Variants in PLS1 observed in about 807,000 individuals in gnomAD.
PLS1 encodes the protein plastin-1.
A neutral mutation model predicts 73.7 loss-of-function variants in PLS1; 32 were observed. The ratio of observed to expected loss-of-function variants is 0.43; its 90% CI spans 0.33 to 0.58. The LOEUF (loss-of-function observed/expected upper bound fraction) is 0.58. Among genes scored for constraint, PLS1 ranks in the 20% least tolerant of loss-of-function variants. The probability of loss-of-function intolerance (pLI) is 0.04; values close to 1 mark genes in which losing one functional copy is unlikely to be tolerated. For missense variants in PLS1, 633 were observed against 740.5 expected, an observed-to-expected ratio of 0.85 and a Z score of 1.68; for synonymous variants, 217 against 261.3, an observed-to-expected ratio of 0.83 and a Z score of 1.63.
intron 14 of PLS1, among the ~76,000 whole-genome samples, chr3:142,709,198 C>T (rs929264576): frequency 1.3e-5 from 2 of 152,152 alleles, no homozygotes; most frequent in Non-Finnish European, 2.9e-5. Context: ...AATGTAGATT[C>T]CCAGCCTCAT....
At chr3:142,710,226 A>G (rs905701231) in intron 14 of PLS1, among the ~76,000 whole-genome samples, 1 of 147,456 alleles carries the variant, frequency 6.8e-6, no homozygotes, top group Non-Finnish European at 1.5e-5. Flanking sequence ...GCTTCACCCT[A>G]AAGCTGGTTT....
intron 1 of PLS1, among the ~76,000 whole-genome samples, chr3:142,599,191 A>C (rs1336164372): frequency 6.6e-6 from 1 of 151,196 alleles, no homozygotes; most frequent in Non-Finnish European, 1.5e-5. Flanking sequence ...TAAATAAATA[A>C]ATAAATAAAT....
At chr3:142,696,282 C>G (rs1376164365) in intron 11 of PLS1, among the ~76,000 whole-genome samples, 1 of 152,122 alleles carries the variant, frequency 6.6e-6, no homozygotes, top group Non-Finnish European at 1.5e-5. Flanking sequence ...AAGAATTGAC[C>G]AAACCTTTTA....
chr3:142,639,524 A>G (rs1381855162), intron 1 of PLS1, among the ~76,000 whole-genome samples: 1 of 152,198 alleles, frequency 6.6e-6, no homozygotes, highest in Non-Finnish European at 1.5e-5. Flanking sequence ...TCTCCTTTGA[A>G]TACTTTCTGT....
In PLS1 at chr3:142,636,218, T is replaced by C. The variant is rs530404374; in HGVS notation, c.-36-27984T>C. On this transcript the variant is annotated intron_variant, in intron 1 of 15. Transcript: ENST00000457734. ...CTCTAGACATTTTATAAAGTTACAGTAATTAACAGTGTTGTATTTGCATAA... is the reference window on the plus strand; with the variant it reads ...CTCTAGACATTTTATAAAGTTACAGCAATTAACAGTGTTGTATTTGCATAA... Among the ~76,000 whole-genome samples the C allele has an allele frequency of 9.7e-4, 147 of 152,262 alleles. No individual in the cohort carries two copies. The Middle Eastern group carries it at 0.014, about 14-fold the overall frequency.
At chr3:142,635,378 A>G (rs1407666415) in intron 1 of PLS1, among the ~76,000 whole-genome samples, 2 of 151,916 alleles carry the variant, frequency 1.3e-5, no homozygotes, top group Admixed American at 1.3e-4. Flanking sequence ...ACATATCTCA[A>G]TTAAAAAGTA....
At chr3:142,656,847 C>T (rs2037248744) in intron 1 of PLS1, 2 of 152,160 alleles carry the variant, frequency 1.3e-5, no homozygotes, top group African/African-American at 2.4e-5. Context: ...ACCAGTAGAA[C>T]TTCTACTCAC....
chr3:142,601,221 G>A (rs1027784486), intron 1 of PLS1, among the ~76,000 whole-genome samples: 6 of 151,334 alleles, frequency 4.0e-5, no homozygotes, highest in Admixed American at 1.3e-4. Flanking sequence ...CACCGCGCCC[G>A]GCCTATATTT....
chr3:142,653,521 C>T (rs549467495), intron 1 of PLS1, among the ~76,000 whole-genome samples: 5 of 151,866 alleles, frequency 3.3e-5, no homozygotes, highest in African/African-American at 9.7e-5. Flanking sequence ...CCACCACGGC[C>T]GGCTAATTTT....
chr3:142,702,049 C>A (rs748197697), intron 12 of PLS1, among the ~76,000 whole-genome samples: 1 of 152,120 alleles, frequency 6.6e-6, no homozygotes, highest in African/African-American at 2.4e-5. Flanking sequence ...TTAAAAAATT[C>A]TTTTAAAAAC....
chr3:142,598,727 G>A (rs1004701095), intron 1 of PLS1, among the ~76,000 whole-genome samples: 2 of 152,184 alleles, frequency 1.3e-5, no homozygotes, highest in African/African-American at 4.8e-5. Flanking sequence ...GCTGGGTGTG[G>A]TGGCTCACGC....
At chr3:142,611,139 T>C (rs2036113913) in intron 1 of PLS1, among the ~76,000 whole-genome samples, 1 of 152,244 alleles carries the variant, frequency 6.6e-6, no homozygotes, top group Non-Finnish European at 1.5e-5. Flanking sequence ...TTTTCCCTTG[T>C]CACAAACTAT....
At chr3:142,600,443 G>A (rs537021286) in intron 1 of PLS1, among the ~76,000 whole-genome samples, 10 of 152,084 alleles carry the variant, frequency 6.6e-5, no homozygotes, top group Non-Finnish European at 1.5e-4. Flanking sequence ...AGGCCAGGAG[G>A]GTGGCACCAA....
At chr3:142,685,871 T>TA (rs1451394491) in intron 8 of PLS1, among the ~76,000 whole-genome samples, 1 of 152,220 alleles carries the variant, frequency 6.6e-6, no homozygotes. Context: ...GATGATTTAA[T>TA]AGTGTGATCA....
Position 142,704,014 on chromosome 3 carries a change from A to G in PLS1, c.1505+13A>G, listed in dbSNP as rs911054056. ...AGCTGATGAGAAGGTAAAGGCTGATATGTTGGTAGCAACACTGCCTGTTTC... is the reference window on the plus strand; with the variant it reads ...AGCTGATGAGAAGGTAAAGGCTGATGTGTTGGTAGCAACACTGCCTGTTTC... On this transcript the variant is annotated intron_variant, in intron 13 of 15. Transcript: ENST00000457734. 3.1e-6 allele frequency: 5 copies of G among 1,611,934 alleles called. No individual in the cohort carries two copies. The highest frequency in any genetic ancestry group is 1.3e-5 in the African/African-American group (1 of 74,914).
chr3:142,638,401 G>A (rs932038354), intron 1 of PLS1, among the ~76,000 whole-genome samples: 6 of 152,140 alleles, frequency 3.9e-5, no homozygotes, highest in Non-Finnish European at 7.3e-5. Context: ...CTGTCATGAA[G>A]GGTTGACACC....
chr3:142,680,952 G>A (rs1204719046), intron 6 of PLS1, among the ~76,000 whole-genome samples: 1 of 152,112 alleles, frequency 6.6e-6, no homozygotes, highest in African/African-American at 2.4e-5. Context: ...TTAAGGTGTG[G>A]TTACAATAGT....
chr3:142,618,805 G>A (rs1461197311), intron 1 of PLS1, among the ~76,000 whole-genome samples: 1 of 152,116 alleles, frequency 6.6e-6, no homozygotes, highest in Non-Finnish European at 1.5e-5. Flanking sequence ...AGACTCATGT[G>A]ATTAGATTGG....
At chr3:142,598,717 G>T (rs2035856577) in intron 1 of PLS1, among the ~76,000 whole-genome samples, 1 of 152,198 alleles carries the variant, frequency 6.6e-6, no homozygotes, top group Admixed American at 6.5e-5. Flanking sequence ...CCTCCAATTG[G>T]CTGGGTGTGG....
Sources: gnomAD v4.1 joint callset for allele counts (sites outside exome capture counted in the v4.1 genomes callset) on GRCh38, gnomAD v4.1.1 for gene constraint, MANE v1.5 for transcripts, NCBI Gene and HGNC (gene_info 2026-07-23, HGNC 2026-07-21) for gene names.